POM121C: variants seen among roughly 807,000 people sequenced by gnomAD.
POM121C encodes the protein POM121 transmembrane nucleoporin C, also known as nuclear envelope pore membrane protein POM 121C.
In POM121C, 20 loss-of-function variants were observed where a neutral mutation model predicts 66.4. The observed-to-expected ratio is 0.30, with a 90% CI of 0.21 to 0.44. The LOEUF (loss-of-function observed/expected upper bound fraction) is 0.44, where lower values mean the gene tolerates loss of function less well. Among genes scored for constraint, POM121C ranks in the 20% least tolerant of loss-of-function variants. POM121C has a pLI of 1.00. For missense variants in POM121C, 580 were observed against 1,225.7 expected (o/e 0.47, Z 7.87); for synonymous variants, 286 against 528.0 (o/e 0.54, Z 6.28).
chr7:75,437,208 TG>T (rs1434716590), intron 7 of POM121C, among the ~76,000 whole-genome samples: 5 of 152,244 alleles, frequency 3.3e-5, no homozygotes, highest in Admixed American at 6.5e-5. Flanking sequence ...TGGCCTATAT[TG>T]ATCACTCAAT....
intron 7 of POM121C, among the ~76,000 whole-genome samples, chr7:75,437,305 A>C (rs1790455021): frequency 6.6e-6 from 1 of 152,182 alleles, no homozygotes; most frequent in African/African-American, 2.4e-5. Context: ...CAATTACTTT[A>C]TTTAAAAAAA....
intron 3 of POM121C, among the ~76,000 whole-genome samples, chr7:75,455,668 C>A (rs1791184391): frequency 6.6e-6 from 1 of 151,630 alleles, no homozygotes; most frequent in South Asian, 2.1e-4. Flanking sequence ...CAGCCCCAAA[C>A]ATATGGCCAC....
rs370433640 is a variant in POM121C, at chr7:75,437,033, C to T, written c.480+482G>A. On this transcript the variant is annotated intron_variant, in intron 7 of 14. Transcript: ENST00000615331. ...CATGACCACTTGTTTAAAAACCCTG[C>T]GCTCAATTCTAAATGCCTATAAATC... Among the ~76,000 whole-genome samples the T allele has an allele frequency of 2.0e-4, 31 of 152,326 alleles. No homozygotes were observed. The South Asian group carries it at 3.7e-3, about 18-fold the overall frequency.
At chr7:75,442,030 A>G (rs1303424138) in intron 3 of POM121C, 15 of 1,034,686 alleles carry the variant, frequency 1.4e-5, no homozygotes, top group Non-Finnish European at 1.8e-5. Context: ...GGAGGGCAAA[A>G]CCACACACAA....
At chr7:75,467,875 A>G (rs1375295696) in intron 3 of POM121C, among the ~76,000 whole-genome samples, 1 of 152,006 alleles carries the variant, frequency 6.6e-6, no homozygotes, top group Non-Finnish European at 1.5e-5. Context: ...CATGCCTGTA[A>G]TCCCAGCACT....
chr7:75,420,621 C>CTTTA (rs1789666514), intron 13 of POM121C: 2 of 152,276 alleles, frequency 1.3e-5, no homozygotes, highest in Admixed American at 1.3e-4. Context: ...TTTTTATACA[C>CTTTA]TTTATCCCGA....
chr7:75,449,665 C>G lies in POM121C; in HGVS notation c.-151-8018G>C, dbSNP rs587650855. 1.8e-3 allele frequency among the ~76,000 whole-genome samples: 270 copies of G among 152,178 alleles called. 2 individuals are homozygous for G. Among genetic ancestry groups the G allele is most frequent in the African/African-American group, 5.8e-3 (242 of 41,516 alleles). On this transcript the variant is annotated intron_variant, in intron 3 of 14. Coordinates refer to ENST00000615331, the MANE Select transcript of POM121C (RefSeq NM_001099415.3). ...TACAGGTGTGAGCTACCATGCCCGG[C>G]AACAGTAGGGGAAAGAGCTGAGTTC... is the stretch of plus-strand genomic sequence containing the variant.
chr7:75,478,529 T>G (rs1792179844), intron 1 of POM121C, among the ~76,000 whole-genome samples: 1 of 150,346 alleles, frequency 6.7e-6, no homozygotes, highest in African/African-American at 2.5e-5. Context: ...CACAGAGCAC[T>G]GAGAGAGTTC....
intron 1 of POM121C, among the ~76,000 whole-genome samples, chr7:75,477,379 T>G (rs1250246432): frequency 2.6e-5 from 4 of 152,160 alleles, no homozygotes; most frequent in Non-Finnish European, 4.4e-5. Flanking sequence ...GGTCAGGAGT[T>G]CAAGACCAGC....
chr7:75,436,508 GTAT>G (rs1399895100), intron 7 of POM121C, among the ~76,000 whole-genome samples: 1 of 152,222 alleles, frequency 6.6e-6, no homozygotes, highest in African/African-American at 2.4e-5. Flanking sequence ...AGGGGTAATG[GTAT>G]TATGGTTATT....
chr7:75,432,153 C>T (rs1790207656), intron 7 of POM121C, among the ~76,000 whole-genome samples: 1 of 146,810 alleles, frequency 6.8e-6, no homozygotes, highest in Admixed American at 6.9e-5. Context: ...CCACTACACT[C>T]CAGCCTGGGT....
chr7:75,485,204 A>G (rs1554480684), intron 1 of POM121C, among the ~76,000 whole-genome samples: 1 of 152,164 alleles, frequency 6.6e-6, no homozygotes, highest in East Asian at 1.9e-4. Flanking sequence ...GGAATTGAGT[A>G]TGTGAGCTCT....
At chr7:75,432,428 C>G (rs1421756065) in intron 7 of POM121C, among the ~76,000 whole-genome samples, 9 of 152,120 alleles carry the variant, frequency 5.9e-5, no homozygotes, top group Non-Finnish European at 1.3e-4. Context: ...GTGGACACAT[C>G]TCACAAGTAA....
chr7:75,442,416 C>T, intron 3 of POM121C: 1 of 1,439,484 alleles, frequency 6.9e-7, no homozygotes, highest in Non-Finnish European at 9.1e-7. Context: ...TTTCCGTTGG[C>T]TGTCGACTTG....
intron 13 of POM121C, 27 bp from the exon 14 acceptor site, chr7:75,419,469 C>T: frequency 6.2e-7 from 1 of 1,610,692 alleles, no homozygotes; most frequent in Non-Finnish European, 8.5e-7. Context: ...AGAGAGCTAG[C>T]CAGTGAGCAG....
intron 1 of POM121C, among the ~76,000 whole-genome samples, chr7:75,476,274 G>C (rs1419242804): frequency 6.8e-6 from 1 of 146,744 alleles, no homozygotes; most frequent in Non-Finnish European, 1.5e-5. Context: ...CTAGGCAACA[G>C]AGCGAGACCT....
rs797031535 is a variant in POM121C at position 75,446,957 on chromosome 7, G to A, written c.-151-5310C>T. On this transcript the variant is annotated intron_variant, in intron 3 of 14. Transcript: ENST00000615331. ...CGGGAGGCGGAGCTTGCAGTTAGCCGATATGGCGCCACTGCACTCCAGCCT... is the reference window on the plus strand; with the variant it reads ...CGGGAGGCGGAGCTTGCAGTTAGCCAATATGGCGCCACTGCACTCCAGCCT... Among the ~76,000 whole-genome samples the A allele has an allele frequency of 8.6e-5, 10 of 115,998 alleles. 1 individual carries two copies. The highest frequency in any genetic ancestry group is 2.7e-4 in the African/African-American group (8 of 30,106). 76.1% of individuals were successfully genotyped at this position (115,998 alleles called of 152,430 possible).
intron 3 of POM121C, among the ~76,000 whole-genome samples, chr7:75,462,669 C>G (rs1164350470): frequency 6.6e-6 from 1 of 151,998 alleles, no homozygotes; most frequent in Non-Finnish European, 1.5e-5. Flanking sequence ...TACAGGGCAG[C>G]TGCCTTTGTT....
At chr7:75,477,320 C>T (rs1206452107) in intron 1 of POM121C, among the ~76,000 whole-genome samples, 3 of 152,162 alleles carry the variant, frequency 2.0e-5, no homozygotes, top group African/African-American at 4.8e-5. Flanking sequence ...CGGTGGCTCA[C>T]GCCTGTAATC....
Sources: gnomAD v4.1 joint callset for allele counts (sites outside exome capture counted in the v4.1 genomes callset) on GRCh38, gnomAD v4.1.1 for gene constraint, MANE v1.5 for transcripts, NCBI Gene and HGNC (gene_info 2026-07-23, HGNC 2026-07-21) for gene names.